DHRSX: variants seen among roughly 807,000 people sequenced by gnomAD.
DHRSX encodes the protein dehydrogenase/reductase X-linked.
DHRSX carries 31 observed loss-of-function variants against 34.0 expected under a neutral mutation model. The ratio of observed to expected loss-of-function variants is 0.91; its 90% confidence interval spans 0.69 to 1.23. The LOEUF is 1.23. Ranked by LOEUF, DHRSX falls within the 50% of genes most tolerant of loss-of-function variation. The probability of loss-of-function intolerance (pLI) is 0.00; values close to 1 mark genes in which losing one functional copy is unlikely to be tolerated. For synonymous variants in DHRSX, 201 were observed against 183.8 expected (o/e 1.09, Z -0.76); for missense variants, 414 against 428.1 (o/e 0.97, Z 0.29).
At chrX:2,271,436 G>A (rs1052129582) in intron 4 of DHRSX, among the ~76,000 whole-genome samples, 1 of 152,192 alleles carries the variant, frequency 6.6e-6, no homozygotes, top group African/African-American at 2.4e-5. Context: ...GGAGAAATGA[G>A]CAGACTGTTC....
intron 3 of DHRSX, among the ~76,000 whole-genome samples, chrX:2,347,671 G>C (rs1282426621): frequency 1.3e-5 from 2 of 152,208 alleles, no homozygotes; most frequent in Non-Finnish European, 2.9e-5. Flanking sequence ...TCCAGCCTGA[G>C]TGAGCGAGAC....
At chrX:2,231,895 CTCT>C (rs1051565601) in intron 6 of DHRSX, among the ~76,000 whole-genome samples, 3 of 150,336 alleles carry the variant, frequency 2.0e-5, no homozygotes, top group African/African-American at 7.3e-5. Context: ...CCTCCTCCTC[CTCT>C]TTCTCTTATC....
intron 3 of DHRSX, among the ~76,000 whole-genome samples, chrX:2,301,417 A>T (rs2042008075): frequency 6.6e-6 from 1 of 152,196 alleles, no homozygotes; most frequent in Non-Finnish European, 1.5e-5. Flanking sequence ...CATCTCAAAA[A>T]AAAAGCTGTG....
chrX:2,460,200 C>T (rs1264834915), intron 1 of DHRSX, among the ~76,000 whole-genome samples: 1 of 152,096 alleles, frequency 6.6e-6, no homozygotes, highest in African/African-American at 2.4e-5. Flanking sequence ...TCTCACAAAG[C>T]GGCGAGTGTT....
chrX:2,347,186 G>T (rs1047838190), intron 3 of DHRSX, among the ~76,000 whole-genome samples: 1 of 152,188 alleles, frequency 6.6e-6, no homozygotes, highest in African/African-American at 2.4e-5. Context: ...CGTGGCTGGG[G>T]AAGCCTCACA....
rs1489329421 is a variant in DHRSX at position 2,359,459 on chromosome X, C to T, written c.286+49286G>A. Among the ~76,000 whole-genome samples the T allele has an allele frequency of 1.1e-4, 17 of 152,116 alleles. No homozygotes were observed. In the South Asian group the frequency reaches 1.9e-3, roughly 17 times the overall value. On this transcript the variant is annotated intron_variant, in intron 3 of 6. Transcript: ENST00000334651. ...TTGGGAGGCCAAGGCGGGTGGATCGCGAGGTCAGGAGTTCGAGACCAGTCT... is the reference window on the plus strand; with the variant it reads ...TTGGGAGGCCAAGGCGGGTGGATCGTGAGGTCAGGAGTTCGAGACCAGTCT...
chrX:2,320,979 A>C (rs2042304463), intron 3 of DHRSX, among the ~76,000 whole-genome samples: 1 of 152,086 alleles, frequency 6.6e-6, no homozygotes, highest in African/African-American at 2.4e-5. Flanking sequence ...ATCCGGGGTT[A>C]CTTAACCCTG....
At chrX:2,403,300 T>A (rs1430426497) in intron 3 of DHRSX, among the ~76,000 whole-genome samples, 1 of 152,148 alleles carries the variant, frequency 6.6e-6, no homozygotes, top group Non-Finnish European at 1.5e-5. Flanking sequence ...CCATTAACCA[T>A]CTCCACGGCA....
At chrX:2,493,826 G>A (rs190032027) in intron 1 of DHRSX, among the ~76,000 whole-genome samples, 27 of 152,110 alleles carry the variant, frequency 1.8e-4, no homozygotes, top group Admixed American at 1.3e-3. Flanking sequence ...AAAATTAGCC[G>A]GGCGTGGTAG....
intron 1 of DHRSX, among the ~76,000 whole-genome samples, chrX:2,454,685 C>T (rs1195600966): frequency 6.6e-6 from 1 of 152,074 alleles, no homozygotes; most frequent in Non-Finnish European, 1.5e-5. Flanking sequence ...CCCAGAAAGG[C>T]CAACACCATT....
chrX:2,269,283 T>C (rs188722355), intron 4 of DHRSX, among the ~76,000 whole-genome samples: 29 of 152,372 alleles, frequency 1.9e-4, no homozygotes, highest in African/African-American at 5.3e-4. Context: ...CACAAATATA[T>C]AGAGGTCTAG....
chrX:2,401,445 A>T (rs2043484644), intron 3 of DHRSX, among the ~76,000 whole-genome samples: 1 of 152,198 alleles, frequency 6.6e-6, no homozygotes, highest in South Asian at 2.1e-4. Flanking sequence ...GCTGTTTGTG[A>T]TTAAAGTTAC....
At chrX:2,349,064 G>A (rs2042754538) in intron 3 of DHRSX, among the ~76,000 whole-genome samples, 1 of 152,066 alleles carries the variant, frequency 6.6e-6, no homozygotes, top group African/African-American at 2.4e-5. Context: ...GTTTCCTGCA[G>A]AAATGGGTGA....
chrX:2,285,162 G>A (rs1016124799), intron 4 of DHRSX, among the ~76,000 whole-genome samples: 16 of 152,254 alleles, frequency 1.1e-4, no homozygotes, highest in African/African-American at 3.6e-4. Context: ...GGATGATTCC[G>A]GGGCATGACA....
chrX:2,450,952 C>A (rs1173727957), intron 1 of DHRSX, among the ~76,000 whole-genome samples: 1 of 152,010 alleles, frequency 6.6e-6, no homozygotes, highest in Non-Finnish European at 1.5e-5. Context: ...AGAGAGCTCC[C>A]TCGCCCCTTC....
At chrX:2,487,115 G>C (rs2044960088) in intron 1 of DHRSX, 1 of 152,222 alleles carries the variant, frequency 6.6e-6, no homozygotes, top group African/African-American at 2.4e-5. Context: ...AGTTCTACAT[G>C]TTGGAAAACG....
At chrX:2,495,745 A>C (rs1485810329) in intron 1 of DHRSX, among the ~76,000 whole-genome samples, 2 of 152,034 alleles carry the variant, frequency 1.3e-5, no homozygotes, top group South Asian at 2.1e-4. Context: ...CTCATTCTTC[A>C]AGACTGGTGC....
intron 3 of DHRSX, among the ~76,000 whole-genome samples, chrX:2,344,912 T>C (rs1299131192): frequency 4.9e-5 from 6 of 121,802 alleles, no homozygotes; most frequent in South Asian, 2.6e-4. Context: ...TATATATATA[T>C]ATACTGTATT....
At chrX:2,386,220 A>G (rs2043270892) in intron 3 of DHRSX, among the ~76,000 whole-genome samples, 1 of 150,924 alleles carries the variant, frequency 6.6e-6, no homozygotes, top group South Asian at 2.1e-4. Flanking sequence ...GAGAGAGAGA[A>G]AGAAAGAGAG....
Sources: gnomAD v4.1 joint callset for allele counts (sites outside exome capture counted in the v4.1 genomes callset) on GRCh38, gnomAD v4.1.1 for gene constraint, MANE v1.5 for transcripts, NCBI Gene and HGNC (gene_info 2026-07-23, HGNC 2026-07-21) for gene names.